Variants in SRBD1 observed in about 807,000 individuals in gnomAD.
SRBD1 encodes S1 RNA-binding domain-containing protein 1.
SRBD1 carries 88 observed loss-of-function variants against 115.3 expected under a neutral mutation model. The observed-to-expected ratio is 0.76, with a 90% CI of 0.64 to 0.91. The LOEUF is 0.91. Ranked by LOEUF, SRBD1 falls within the 40% of genes least tolerant of loss-of-function variation. The pLI is 0.00. For synonymous variants in SRBD1, 509 were observed against 407.7 expected, an observed-to-expected ratio of 1.25 and a Z score of -2.99; for missense variants, 1,385 against 1,177.4, an observed-to-expected ratio of 1.18 and a Z score of -2.58.
At chr2:45,457,360 T>A (rs1303660449) in intron 16 of SRBD1, among the ~76,000 whole-genome samples, 2 of 151,928 alleles carry the variant, frequency 1.3e-5, no homozygotes, top group Non-Finnish European at 2.9e-5. Flanking sequence ...TGAAAATGGA[T>A]CATCTGTGAT....
intron 14 of SRBD1, among the ~76,000 whole-genome samples, chr2:45,517,137 AG>A (rs1337472159): frequency 6.6e-6 from 1 of 152,218 alleles, no homozygotes; most frequent in Admixed American, 6.5e-5. Flanking sequence ...GGGTATCTAA[AG>A]CACCATATAA....
intron 16 of SRBD1, among the ~76,000 whole-genome samples, chr2:45,471,079 C>T (rs943647440): frequency 1.3e-5 from 2 of 152,142 alleles, no homozygotes; most frequent in Non-Finnish European, 2.9e-5. Flanking sequence ...TAAGTTTATA[C>T]TGAAAGCACT....
chr2:45,601,248 CA>C (rs1328003729), intron 3 of SRBD1, among the ~76,000 whole-genome samples: 1 of 152,214 alleles, frequency 6.6e-6, no homozygotes, highest in Non-Finnish European at 1.5e-5. Context: ...ATTCTGAGTC[CA>C]TGCTCATCAA....
chr2:45,578,142 A>G (rs190324226), intron 7 of SRBD1, among the ~76,000 whole-genome samples: 58 of 152,348 alleles, frequency 3.8e-4, no homozygotes, highest in African/African-American at 1.3e-3. Context: ...AGTAGAAGGA[A>G]AGAAAATCAA....
In SRBD1 at chr2:45,482,505, T is replaced by C. The variant is rs111565884; in HGVS notation, c.1967-5430A>G. Among the ~76,000 whole-genome samples the C allele has an allele frequency of 6.0e-3, 915 of 151,990 alleles. 7 individuals carry two copies. The highest frequency in any genetic ancestry group is 0.019 in the African/African-American group (780 of 41,436). ...CTGGTGAAAGGGTACATAATTGTAG[T>C]TATAAGTTAATAAATTACAGAGATT... is the stretch of plus-strand genomic sequence containing the variant. On this transcript the variant is annotated intron_variant, in intron 15 of 20. Transcript: ENST00000263736.
intron 12 of SRBD1, 72 bp from the exon 13 acceptor site, chr2:45,547,684 G>A (rs898727621): frequency 7.6e-7 from 1 of 1,312,774 alleles, no homozygotes; most frequent in African/African-American, 1.5e-5. Flanking sequence ...ATTTTGTTAA[G>A]CAAGTTGTAA....
rs536224072 is a variant in SRBD1 at position 45,442,106 on chromosome 2, T to C, written c.2050-22212A>G. Among the ~76,000 whole-genome samples the C allele has an allele frequency of 3.3e-5, 5 of 152,278 alleles. No individual in the cohort carries two copies. In the East Asian group the frequency reaches 9.6e-4, roughly 29 times the overall value. ...AGCATCTTGTCATACAATAAAAAGA[T>C]ACCAAAGAAGCTGGGAGATTTAGAA... On this transcript the variant is annotated intron_variant, in intron 16 of 20. Transcript: ENST00000263736.
At chr2:45,526,716 T>C (rs752652404) in intron 14 of SRBD1, among the ~76,000 whole-genome samples, 3 of 151,232 alleles carry the variant, frequency 2.0e-5, no homozygotes, top group Admixed American at 6.6e-5. Context: ...AATAGAAAAA[T>C]ATTGTATAAT....
intron 16 of SRBD1, among the ~76,000 whole-genome samples, chr2:45,434,028 T>C (rs1421715932): frequency 2.0e-5 from 3 of 152,128 alleles, no homozygotes; most frequent in East Asian, 1.9e-4. Flanking sequence ...GGGAAAAAAA[T>C]AAACAGGAAG....
intron 15 of SRBD1, among the ~76,000 whole-genome samples, chr2:45,477,847 C>T (rs1669849598): frequency 6.6e-6 from 1 of 152,150 alleles, no homozygotes; most frequent in African/African-American, 2.4e-5. Context: ...TCTTAACACA[C>T]CATAGTTCTA....
intron 5 of SRBD1, among the ~76,000 whole-genome samples, chr2:45,584,772 A>C (rs1172764813): frequency 6.6e-6 from 1 of 152,218 alleles, no homozygotes. Context: ...GTCCAGAGGC[A>C]TAATTTTTTT....
chr2:45,585,869 G>A, intron 4 of SRBD1, 95 bp from the exon 5 acceptor site: 2 of 1,028,468 alleles, frequency 1.9e-6, no homozygotes, highest in Non-Finnish European at 2.7e-6. Flanking sequence ...ATGTTCTCCA[G>A]TGACTTAGAA....
At chr2:45,422,462 A>G (rs988547005) in intron 16 of SRBD1, among the ~76,000 whole-genome samples, 22 of 152,364 alleles carry the variant, frequency 1.4e-4, no homozygotes, top group Non-Finnish European at 2.8e-4. Context: ...ATAAAATTAA[A>G]TCAGTGATTT....
At position 45,581,751 on chromosome 2, in the gene SRBD1, G is replaced by A. The variant is rs1410854615; in HGVS notation, c.875C>T (p.Ser292Phe). The change falls in exon 6 of 21, where the codon TCT becomes TTT. Residue 292 changes from serine to phenylalanine, a missense_variant. Ser to Phe is a radical substitution (Grantham distance 155). Transcript: ENST00000263736. Reference sequence around the variant, plus strand: ...CAGCATGGCTTTTAACAAGCACTCAGACATCTTCCCTTCCTTCTTAATTTT... The same window carrying A: ...CAGCATGGCTTTTAACAAGCACTCAAACATCTTCCCTTCCTTCTTAATTTT... ...IQKIKKEGKM[S>F]ECLLKAMLNC... 6.2e-7 allele frequency: 1 copy of A among 1,613,404 alleles called. No homozygotes were observed. The highest frequency in any genetic ancestry group is 1.3e-5 in the African/African-American group (1 of 74,896).
chr2:45,582,953 G>T (rs1196281067), intron 5 of SRBD1, among the ~76,000 whole-genome samples: 1 of 152,054 alleles, frequency 6.6e-6, no homozygotes, highest in Admixed American at 6.5e-5. Context: ...TTGATTCCAG[G>T]AATCAATTTA....
At chr2:45,601,234 T>A (rs888617328) in intron 3 of SRBD1, among the ~76,000 whole-genome samples, 8 of 152,256 alleles carry the variant, frequency 5.3e-5, no homozygotes, top group African/African-American at 1.4e-4. Context: ...TATCTCATCA[T>A]CCTATTCTGA....
intron 4 of SRBD1, among the ~76,000 whole-genome samples, chr2:45,594,962 C>T (rs957566797): frequency 1.3e-5 from 2 of 152,136 alleles, no homozygotes; most frequent in African/African-American, 4.8e-5. Context: ...TTTTCTGTCT[C>T]CCTCTCTCCA....
intron 19 of SRBD1, among the ~76,000 whole-genome samples, chr2:45,411,942 C>G (rs1216847837): frequency 1.3e-5 from 2 of 152,030 alleles, no homozygotes; most frequent in Non-Finnish European, 2.9e-5. Flanking sequence ...GAAACTCTAT[C>G]TCTACTAAAA....
Position 45,578,299 on chromosome 2 carries a change from A to G in SRBD1, c.1072+1576T>C, listed in dbSNP as rs1444682448. ...GTGGTTAACCTTAATGCTTAGCTATAGTCTTAGCTATTATTAAAATATTAA... is the reference window on the plus strand; with the variant it reads ...GTGGTTAACCTTAATGCTTAGCTATGGTCTTAGCTATTATTAAAATATTAA... On this transcript the variant is annotated intron_variant, in intron 7 of 20. Coordinates refer to ENST00000263736, the MANE Select transcript of SRBD1 (RefSeq NM_018079.5). Among the ~76,000 whole-genome samples, 3 of 152,250 alleles carry G rather than the reference A, an allele frequency of 2.0e-5. No individual in the cohort carries two copies. In the East Asian group the frequency reaches 5.8e-4, roughly 29 times the overall value.
Sources: allele counts gnomAD v4.1 joint callset (sites outside exome capture counted in the v4.1 genomes callset), GRCh38; gene constraint gnomAD v4.1.1; transcripts MANE v1.5; gene names NCBI Gene and HGNC (gene_info 2026-07-23, HGNC 2026-07-21).